GLMN: variants seen among roughly 807,000 people sequenced by gnomAD.
GLMN encodes glomulin, FKBP associated protein.
A neutral mutation model predicts 87.8 loss-of-function variants in GLMN; 75 were observed. The ratio of observed to expected loss-of-function variants is 0.85; its 90% CI spans 0.71 to 1.04. The LOEUF is 1.04. GLMN is among the 50% of genes least tolerant of loss of function. The probability of loss-of-function intolerance (pLI) is 0.00; values close to 1 mark genes in which losing one functional copy is unlikely to be tolerated. For missense variants in GLMN, 588 were observed against 658.8 expected (o/e 0.89, Z 1.18); for synonymous variants, 206 against 221.6 (o/e 0.93, Z 0.63).
chr1:92,310,593 T>G, the GLMN span, among the ~76,000 whole-genome samples: 2 of 152,086 alleles, frequency 1.3e-5, no homozygotes, highest in Non-Finnish European at 2.9e-5. Flanking sequence ...AATCATAATT[T>G]TAAAATAATA....
intron 7 of GLMN, among the ~76,000 whole-genome samples, chr1:92,281,177 A>G (rs1244533530): frequency 6.6e-6 from 1 of 152,210 alleles, no homozygotes; most frequent in Non-Finnish European, 1.5e-5. Context: ...CAGATTCACC[A>G]AGGTGGAAGT....
At chr1:92,295,347 T>C (rs1203027319) in intron 3 of GLMN, among the ~76,000 whole-genome samples, 1 of 152,080 alleles carries the variant, frequency 6.6e-6, no homozygotes. Context: ...AATGCTTCAA[T>C]TACCCAATCT....
At chr1:92,299,269 A>G, upstream of GLMN, 1 of 516,892 alleles carries the variant, frequency 1.9e-6, no homozygotes, top group Non-Finnish European at 3.4e-6. Flanking sequence ...TCCCAGGTAG[A>G]GTAGGCCGAA....
At chr1:92,323,406 T>G in the GLMN span, 1 of 1,400,868 alleles carries the variant, frequency 7.1e-7, no homozygotes, top group Non-Finnish European at 9.7e-7. Flanking sequence ...TTATTTGCTA[T>G]TTTTTATTTA....
the GLMN span, among the ~76,000 whole-genome samples, chr1:92,326,022 C>T: frequency 1.3e-5 from 2 of 151,694 alleles, no homozygotes; most frequent in Admixed American, 6.6e-5. Flanking sequence ...TGCTAATATG[C>T]GTATGTATTT....
chr1:92,277,232 T>C (rs940449468), intron 7 of GLMN, among the ~76,000 whole-genome samples: 2 of 152,228 alleles, frequency 1.3e-5, no homozygotes, highest in Non-Finnish European at 2.9e-5. Flanking sequence ...CTCCCATCAT[T>C]GCTTACTTAA....
intron 14 of GLMN, among the ~76,000 whole-genome samples, chr1:92,264,190 G>A (rs1655351286): frequency 6.6e-6 from 1 of 152,052 alleles, no homozygotes; most frequent in South Asian, 2.1e-4. Flanking sequence ...GTGGACACCT[G>A]TAGTCCCAAT....
the GLMN span, among the ~76,000 whole-genome samples, chr1:92,321,560 G>A: frequency 6.6e-6 from 1 of 151,980 alleles, no homozygotes; most frequent in African/African-American, 2.4e-5. Flanking sequence ...GATAGTGTCT[G>A]TGCTTTAGAG....
At chr1:92,304,013 G>C in the GLMN span, 17 of 1,612,812 alleles carry the variant, frequency 1.1e-5, no homozygotes, top group South Asian at 3.3e-5. Flanking sequence ...CAGTGATGTC[G>C]TGGATGAACG....
At chr1:92,254,492 G>A (rs1653972280) in intron 16 of GLMN, among the ~76,000 whole-genome samples, 1 of 152,118 alleles carries the variant, frequency 6.6e-6, no homozygotes, top group Non-Finnish European at 1.5e-5. Flanking sequence ...TGAAATGAAG[G>A]AAAAAATGTT....
chr1:92,358,075 CTG>C, the GLMN span, among the ~76,000 whole-genome samples: 16 of 152,258 alleles, frequency 1.1e-4, no homozygotes, highest in South Asian at 1.0e-3. Flanking sequence ...ATCATAAAAT[CTG>C]TGTTTTAGGA....
the GLMN span, among the ~76,000 whole-genome samples, chr1:92,342,761 G>A: frequency 7.2e-5 from 11 of 152,154 alleles, no homozygotes; most frequent in African/African-American, 2.7e-4. Flanking sequence ...GACATGGGAT[G>A]TGAGAGAGTC....
At chr1:92,299,429 G>C (rs974189529), upstream of GLMN, among the ~76,000 whole-genome samples, 1 of 152,116 alleles carries the variant, frequency 6.6e-6, no homozygotes, top group African/African-American at 2.4e-5. Flanking sequence ...CCAGGCCTGG[G>C]GTCCCCGGGT....
At chr1:92,289,783 C>CG (rs1269091829) in intron 5 of GLMN, among the ~76,000 whole-genome samples, 1 of 152,124 alleles carries the variant, frequency 6.6e-6, no homozygotes, top group Admixed American at 6.5e-5. Context: ...CCCAATCCAA[C>CG]CTCCCAAAGC....
the GLMN span, among the ~76,000 whole-genome samples, chr1:92,316,768 G>A: frequency 1.3e-5 from 2 of 152,138 alleles, no homozygotes; most frequent in Non-Finnish European, 2.9e-5. Context: ...TTTCATCTAA[G>A]AAAGGACAGA....
chr1:92,309,574 TACATATACATACACATACACATAC>T, the GLMN span, among the ~76,000 whole-genome samples: 1 of 9,816 alleles, frequency 1.0e-4, no homozygotes, highest in African/African-American at 4.4e-4. Flanking sequence ...CATACACATA[TACATATACATACACATACACATAC>T]ACATACACAT....
chr1:92,354,133 C>T, the GLMN span, among the ~76,000 whole-genome samples: 1 of 152,064 alleles, frequency 6.6e-6, no homozygotes, highest in East Asian at 1.9e-4. Flanking sequence ...CAAATCACAG[C>T]CTTGATTTTA....
intron 4 of GLMN, among the ~76,000 whole-genome samples, chr1:92,291,028 G>A (rs562356888): frequency 1.3e-5 from 2 of 152,134 alleles, no homozygotes. Context: ...ATACCACAAA[G>A]GAAAGAGGAC....
intron 16 of GLMN, among the ~76,000 whole-genome samples, chr1:92,260,562 C>T (rs1262768964): frequency 6.6e-6 from 1 of 151,664 alleles, no homozygotes; most frequent in Non-Finnish European, 1.5e-5. Flanking sequence ...ATGCAGTGAG[C>T]AGAGATCGTG....
Sources: allele counts gnomAD v4.1 joint callset (sites outside exome capture counted in the v4.1 genomes callset), GRCh38; gene constraint gnomAD v4.1.1; transcripts MANE v1.5; gene names NCBI Gene and HGNC (gene_info 2026-07-23, HGNC 2026-07-21).